MOV10L1: variants seen among roughly 807,000 people sequenced by gnomAD.
The protein encoded by MOV10L1 is RNA helicase Mov10l1.
In MOV10L1, 110 loss-of-function variants were observed where a neutral mutation model predicts 143.8. The observed-to-expected ratio is 0.76, with a 90% CI of 0.66 to 0.90. The LOEUF (loss-of-function observed/expected upper bound fraction) is 0.90, where lower values mean the gene tolerates loss of function less well. MOV10L1 is among the 40% of genes least tolerant of loss of function. MOV10L1 has a pLI of 0.00. For missense variants in MOV10L1, 1,406 were observed against 1,526.8 expected (o/e 0.92, Z 1.32); for synonymous variants, 593 against 581.1 (o/e 1.02, Z -0.29).
In MOV10L1 at chr22:50,090,153, A is replaced by T; in HGVS notation, c.65A>T (p.Glu22Val). 2 of 1,420,726 alleles carry T rather than the reference A, an allele frequency of 1.4e-6. No homozygotes were observed. The highest frequency in any genetic ancestry group is 1.8e-6 in the Non-Finnish European group (2 of 1,089,172). The allele number at this position is 1,420,726 out of a possible 1,614,324, so 88.0% of individuals were successfully genotyped here. A position where few individuals can be genotyped will look rare whatever the true frequency, so the allele number is the denominator to read the frequency against. The change falls in exon 1 of 27, where the codon GAA becomes GTA. Residue 22 changes from glutamate (E) to valine (V), a missense_variant. Coordinates refer to ENST00000262794, the MANE Select transcript of MOV10L1 (RefSeq NM_018995.3). The part of the protein sequence containing the change: ...FWRTADTPRE[E>V]AGQLEPELAE... ...AGGACGGCGGACACCCCTAGGGAGG[A>T]AGCCGGGCAGCTGGAGCCCGAGCTC...
At chr22:50,160,868 G>T (rs1478859786) in intron 25 of MOV10L1, 43 bp downstream of exon 25, 1 of 1,613,118 alleles carries the variant, frequency 6.2e-7, no homozygotes, top group African/African-American at 1.3e-5. Flanking sequence ...ACTTAAGGAG[G>T]GAGGGTCCGG....
chr22:50,143,313 TCAGA>T, intron 17 of MOV10L1, 92 bp downstream of exon 17: 1 of 1,394,652 alleles, frequency 7.2e-7, no homozygotes, highest in Non-Finnish European at 1.0e-6. Context: ...GATTGTAGAA[TCAGA>T]CAGTTGGAAA....
chr22:50,128,201 C>A (rs2062566836), intron 12 of MOV10L1, among the ~76,000 whole-genome samples: 1 of 152,206 alleles, frequency 6.6e-6, no homozygotes, highest in South Asian at 2.1e-4. Context: ...GAGGCTACAG[C>A]CAAGTGAATA....
At chr22:50,121,654 A>G (rs1033854936) in intron 10 of MOV10L1, among the ~76,000 whole-genome samples, 1 of 152,180 alleles carries the variant, frequency 6.6e-6, no homozygotes, top group African/African-American at 2.4e-5. Context: ...TTGAGTTTGT[A>G]GGCAAATGCC....
intron 19 of MOV10L1, among the ~76,000 whole-genome samples, chr22:50,147,941 G>A (rs1344817074): frequency 2.6e-5 from 4 of 152,226 alleles, no homozygotes; most frequent in African/African-American, 4.8e-5. Flanking sequence ...TCAGCTGACC[G>A]TGAGTGGATG....
chr22:50,151,906 C>T (rs2063308051), intron 21 of MOV10L1, among the ~76,000 whole-genome samples: 1 of 152,254 alleles, frequency 6.6e-6, no homozygotes, highest in South Asian at 2.1e-4. Flanking sequence ...CAGTGTCCTG[C>T]ACCCTCCAAC....
intron 13 of MOV10L1, among the ~76,000 whole-genome samples, chr22:50,129,381 C>T (rs2062608208): frequency 6.6e-6 from 1 of 152,180 alleles, no homozygotes; most frequent in Admixed American, 6.5e-5. Context: ...TTCTTTTGAA[C>T]TTTAGAAAAG....
intron 15 of MOV10L1, among the ~76,000 whole-genome samples, chr22:50,138,842 T>C (rs2062903857): frequency 6.6e-6 from 1 of 152,082 alleles, no homozygotes; most frequent in Non-Finnish European, 1.5e-5. Context: ...TAGCTGGGAT[T>C]ATAGGTGCGT....
intron 19 of MOV10L1, among the ~76,000 whole-genome samples, chr22:50,148,317 C>T (rs2063206700): frequency 6.6e-6 from 1 of 152,246 alleles, no homozygotes. Context: ...GAAGCCGGGG[C>T]ACCTGTTCCT....
chr22:50,092,204 T>TAAA lies in MOV10L1; in HGVS notation c.282+19_282+20insAAA, dbSNP rs1445208426. On this transcript the variant is annotated intron_variant, in intron 2 of 26. Coordinates refer to ENST00000262794, the MANE Select transcript of MOV10L1 (RefSeq NM_018995.3). ...AATCAGGGTAAGGTTTGAGTTCATT[T>TAAA]GGGAACAGTTTTTCTTCGCCACGGG... is the stretch of plus-strand genomic sequence containing the variant. The TAAA allele has an allele frequency of 3.7e-6, 6 of 1,604,434 alleles. No individual in the cohort carries two copies. The South Asian group carries it at 6.7e-5, about 18-fold the overall frequency.
intron 18 of MOV10L1, among the ~76,000 whole-genome samples, chr22:50,144,699 A>G (rs1157661554): frequency 6.6e-6 from 1 of 151,252 alleles, no homozygotes; most frequent in Non-Finnish European, 1.5e-5. Flanking sequence ...CTCTGGCCTC[A>G]GCCTCCCAAG....
rs1385232596 is a variant in MOV10L1 at position 50,144,208 on chromosome 22, A to G, written c.2470A>G (p.Met824Val). Residue 824 changes from methionine (M) to valine (V), a missense_variant, in exon 18 of 27, where the codon ATG (methionine) becomes GTG (valine). By Grantham distance (21) the Met-to-Val change is conservative. Transcript: ENST00000262794. Reference sequence around the variant, plus strand: ...GAGCAAGGTGCTACAGCCGGCCACCATGGTCCGGGTGAACGCCACCTGCAG... The same window carrying G: ...GAGCAAGGTGCTACAGCCGGCCACCGTGGTCCGGGTGAACGCCACCTGCAG... The part of the protein sequence containing the change: ...HESKVLQPAT[M>V]VRVNATCRFE... The G allele has an allele frequency of 1.2e-6, 2 of 1,610,532 alleles. No individual in the cohort carries two copies. Among genetic ancestry groups the G allele is most frequent in the Non-Finnish European group, 1.7e-6 (2 of 1,177,300 alleles).
At chr22:50,137,940 A>G (rs1178404590) in intron 15 of MOV10L1, among the ~76,000 whole-genome samples, 1 of 151,244 alleles carries the variant, frequency 6.6e-6, no homozygotes, top group African/African-American at 2.4e-5. Context: ...ACACATGTAT[A>G]TGAGACCAAG....
At chr22:50,108,350 A>G (rs1373994570) in intron 4 of MOV10L1, 102 bp downstream of exon 4, 4 of 1,119,430 alleles carry the variant, frequency 3.6e-6, no homozygotes, top group African/African-American at 1.5e-5. Flanking sequence ...GGAAGCCTGG[A>G]AAAATAAAGC....
chr22:50,099,349 C>T (rs891827572), intron 2 of MOV10L1, 94 bp from the exon 3 acceptor site: 64 of 1,433,430 alleles, frequency 4.5e-5, no homozygotes, highest in Admixed American at 8.6e-5. Flanking sequence ...CTTGGACTTG[C>T]AGCCCTAATG....
chr22:50,160,823 C>A lies in MOV10L1; in HGVS notation c.3460C>A (p.Arg1154=), dbSNP rs771392448. 1 of 1,613,878 alleles carries A rather than the reference C, an allele frequency of 6.2e-7. No individual in the cohort carries two copies. The highest frequency in any genetic ancestry group is 8.5e-7 in the Non-Finnish European group (1 of 1,179,904). The change falls in exon 25 of 27, where the codon CGA becomes AGA. Residue 1154 remains arginine (R), a splice_region_variant and synonymous_variant. Transcript: ENST00000262794. The stretch of plus-strand genomic sequence containing the variant: ...GCTGGGAAACCCCCATGTTCTCGTT[C>A]GAGTGAGTTTTCAGGCACTGGGTGG... ...IVLGNPHVLV[R]DPCFGALLEY...
intron 5 of MOV10L1, among the ~76,000 whole-genome samples, chr22:50,112,530 T>C (rs1324773183): frequency 1.3e-5 from 2 of 152,140 alleles, no homozygotes; most frequent in Non-Finnish European, 2.9e-5. Flanking sequence ...GCACTCTCCT[T>C]CTCTTTAGGC....
In MOV10L1 at chr22:50,142,186, T is replaced by C. The variant is rs764554563; in HGVS notation, c.2176T>C (p.Trp726Arg). 32 of 1,610,284 alleles carry C rather than the reference T, an allele frequency of 2.0e-5. No homozygotes were observed. Among genetic ancestry groups the C allele is most frequent in the Admixed American group, 8.4e-5 (5 of 59,500 alleles). The change falls in exon 16 of 27, where the codon TGG becomes CGG. Residue 726 changes from tryptophan to arginine, a missense_variant. Physicochemically the swap from Trp to Arg is moderately radical, Grantham distance 101 (BLOSUM62 -3). Coordinates refer to ENST00000262794, the MANE Select transcript of MOV10L1 (RefSeq NM_018995.3). Reference protein sequence around the residue: ...LAPFTAEMSDWVDEIQTPKAR... With the variant: ...LAPFTAEMSDRVDEIQTPKAR... ...ACCCTTTACTGCAGAGATGAGCGAT[T>C]GGGGTATGTGCTCATGAGGGGCAAG...
chr22:50,146,645 G>A (rs763252328), intron 19 of MOV10L1, among the ~76,000 whole-genome samples: 1 of 151,920 alleles, frequency 6.6e-6, no homozygotes, highest in Admixed American at 6.6e-5. Flanking sequence ...CACAGTGGTC[G>A]TGACCCTCCC....
Sources: allele counts gnomAD v4.1 joint callset (sites outside exome capture counted in the v4.1 genomes callset), GRCh38; gene constraint gnomAD v4.1.1; transcripts MANE v1.5; gene names NCBI Gene and HGNC (gene_info 2026-07-23, HGNC 2026-07-21).